Variants in SUPT3H observed in about 807,000 individuals in gnomAD.
SUPT3H encodes the protein SPT3 homolog, SAGA and STAGA complex component.
SUPT3H carries 44 observed loss-of-function variants against 44.3 expected under a neutral mutation model. The ratio of observed to expected loss-of-function variants is 0.99; its 90% CI spans 0.78 to 1.28. SUPT3H has a LOEUF of 1.28. Among genes scored for constraint, SUPT3H ranks in the 50% most tolerant of loss-of-function variants. The probability of loss-of-function intolerance (pLI) is 0.00; values close to 1 mark genes in which losing one functional copy is unlikely to be tolerated. For missense variants in SUPT3H, 380 were observed against 387.1 expected (o/e 0.98, Z 0.15); for synonymous variants, 124 against 125.6 (o/e 0.99, Z 0.09).
chr6:45,211,515 C>T (rs1179757687), intron 2 of SUPT3H, among the ~76,000 whole-genome samples: 1 of 152,222 alleles, frequency 6.6e-6, no homozygotes, highest in African/African-American at 2.4e-5. Flanking sequence ...GAACACATCT[C>T]CTTCGGTATT....
intron 3 of SUPT3H, among the ~76,000 whole-genome samples, chr6:45,079,958 T>A (rs1333821205): frequency 2.0e-5 from 3 of 152,082 alleles, no homozygotes; most frequent in Non-Finnish European, 4.4e-5. Flanking sequence ...TGAGATTACA[T>A]CAAATTGCAA....
intron 10 of SUPT3H, among the ~76,000 whole-genome samples, chr6:44,864,401 C>T (rs1332667119): frequency 6.6e-6 from 1 of 152,180 alleles, no homozygotes; most frequent in East Asian, 1.9e-4. Flanking sequence ...GGTGATGCCC[C>T]AGTAGGGACT....
At chr6:44,852,879 T>G (rs892330825) in intron 10 of SUPT3H, among the ~76,000 whole-genome samples, 5 of 152,210 alleles carry the variant, frequency 3.3e-5, no homozygotes. Context: ...CGTACAGTAT[T>G]AGCTAACTAT....
intron 2 of SUPT3H, among the ~76,000 whole-genome samples, chr6:45,224,801 T>TAGAA (rs901230559): frequency 6.7e-6 from 1 of 148,944 alleles, no homozygotes; most frequent in African/African-American, 2.5e-5. Context: ...GAAAGAAAGA[T>TAGAA]AGAAAGAAAA....
intron 6 of SUPT3H, among the ~76,000 whole-genome samples, chr6:44,998,253 A>G (rs891786330): frequency 1.3e-5 from 2 of 151,826 alleles, no homozygotes; most frequent in African/African-American, 4.8e-5. Flanking sequence ...AGATTCAGAG[A>G]CTTCTGAGCA....
chr6:44,987,714 T>G (rs1227773604), intron 6 of SUPT3H, among the ~76,000 whole-genome samples: 1 of 152,064 alleles, frequency 6.6e-6, no homozygotes. Context: ...TGGGGGAAAT[T>G]ATAACATTTT....
intron 5 of SUPT3H, among the ~76,000 whole-genome samples, chr6:45,011,555 C>A (rs1432978115): frequency 6.6e-6 from 1 of 151,704 alleles, no homozygotes; most frequent in African/African-American, 2.4e-5. Flanking sequence ...TCATTCGTGT[C>A]ATTACTGTCA....
chr6:44,977,069 C>A (rs1162715977), intron 6 of SUPT3H, among the ~76,000 whole-genome samples: 1 of 152,168 alleles, frequency 6.6e-6, no homozygotes, highest in African/African-American at 2.4e-5. Flanking sequence ...TCAGTGGCCA[C>A]CAGGCCTAGT....
At chr6:45,324,236 A>G (rs1055263694) in intron 2 of SUPT3H, among the ~76,000 whole-genome samples, 1 of 49,680 alleles carries the variant, frequency 2.0e-5, no homozygotes, top group East Asian at 4.4e-4. Flanking sequence ...AGAATAATCA[A>G]AGAAAAAAAA....
intron 3 of SUPT3H, among the ~76,000 whole-genome samples, chr6:45,032,363 A>G (rs1335453146): frequency 6.6e-6 from 1 of 152,204 alleles, no homozygotes. Context: ...ACACTTACAG[A>G]TCATTGTAAA....
chr6:44,840,537 A>G (rs1770772620), intron 10 of SUPT3H, among the ~76,000 whole-genome samples: 1 of 152,256 alleles, frequency 6.6e-6, no homozygotes, highest in South Asian at 2.1e-4. Flanking sequence ...TTTGGTCTCC[A>G]TATAGTAAAA....
At chr6:44,890,171 C>G (rs538157296) in intron 10 of SUPT3H, among the ~76,000 whole-genome samples, 186 of 149,144 alleles carry the variant, frequency 1.2e-3, no homozygotes, top group Middle Eastern at 6.8e-3. Context: ...GGACTGTAAA[C>G]TGGTTCAACC....
Position 45,145,341 on chromosome 6 carries a change from C to T in SUPT3H, c.102-39335G>A, listed in dbSNP as rs536380195. On this transcript the variant is annotated intron_variant, in intron 2 of 10. Coordinates refer to ENST00000371459, the MANE Select transcript of SUPT3H (RefSeq NM_003599.4). ...AGGCACATAGAGCAATAGAACAGAACAGAGAACTCAGAAATAAAGCCAAAT... is the reference window on the plus strand; with the variant it reads ...AGGCACATAGAGCAATAGAACAGAATAGAGAACTCAGAAATAAAGCCAAAT... Among the ~76,000 whole-genome samples the T allele has an allele frequency of 2.0e-4, 30 of 152,078 alleles. No homozygotes were observed. The South Asian group carries it at 3.3e-3, about 17-fold the overall frequency.
intron 10 of SUPT3H, among the ~76,000 whole-genome samples, chr6:44,889,521 C>T (rs975544579): frequency 2.0e-5 from 3 of 152,190 alleles, no homozygotes; most frequent in East Asian, 3.8e-4. Context: ...AAAGGAATCC[C>T]TATTTAATAA....
At chr6:44,966,826 A>C (rs574369992) in intron 6 of SUPT3H, among the ~76,000 whole-genome samples, 1 of 152,342 alleles carries the variant, frequency 6.6e-6, no homozygotes, top group Non-Finnish European at 1.5e-5. Context: ...CTCTGAAATA[A>C]AAGTCACTGA....
intron 2 of SUPT3H, among the ~76,000 whole-genome samples, chr6:45,134,822 G>A (rs981904276): frequency 6.6e-6 from 1 of 152,130 alleles, no homozygotes; most frequent in African/African-American, 2.4e-5. Flanking sequence ...GCCTTCACTA[G>A]GAATTACCCT....
At chr6:45,286,483 G>A (rs79774337) in intron 2 of SUPT3H, among the ~76,000 whole-genome samples, 34,537 of 151,888 alleles carry the variant, frequency 0.23, 4,614 homozygotes, top group Non-Finnish European at 0.31. Context: ...CAAAAGACAC[G>A]TGAAAAAATG....
intron 2 of SUPT3H, among the ~76,000 whole-genome samples, chr6:45,157,717 TTTTG>T (rs1035003818): frequency 6.6e-6 from 1 of 151,464 alleles, no homozygotes; most frequent in African/African-American, 2.4e-5. Context: ...CCCGGCTAAT[TTTTG>T]TATTTTTAGT....
At chr6:45,210,474 C>G (rs1763915157) in intron 2 of SUPT3H, among the ~76,000 whole-genome samples, 1 of 152,148 alleles carries the variant, frequency 6.6e-6, no homozygotes, top group South Asian at 2.1e-4. Context: ...AAGAATGTAA[C>G]CATTTTTCTC....
Sources: allele counts gnomAD v4.1 joint callset (sites outside exome capture counted in the v4.1 genomes callset), GRCh38; gene constraint gnomAD v4.1.1; transcripts MANE v1.5; gene names NCBI Gene and HGNC (gene_info 2026-07-23, HGNC 2026-07-21).